HIP1: variants seen among roughly 807,000 people sequenced by gnomAD.
HIP1 encodes huntingtin-interacting protein 1.
Under a neutral mutation model 147.6 loss-of-function variants are expected in HIP1, and 65 were observed. The ratio of observed to expected loss-of-function variants is 0.44; its 90% confidence interval spans 0.36 to 0.54. The LOEUF is 0.54. Ranked by LOEUF, HIP1 falls within the 20% of genes least tolerant of loss-of-function variation. The probability of loss-of-function intolerance (pLI) is 0.00; values close to 1 mark genes in which losing one functional copy is unlikely to be tolerated. For synonymous variants in HIP1, 479 were observed against 504.0 expected, an observed-to-expected ratio of 0.95 and a Z score of 0.67; for missense variants, 1,061 against 1,299.6, an observed-to-expected ratio of 0.82 and a Z score of 2.82.
intron 1 of HIP1, among the ~76,000 whole-genome samples, chr7:75,704,638 A>G (rs1032549945): frequency 5.3e-5 from 8 of 152,148 alleles, no homozygotes; most frequent in Admixed American, 5.2e-4. Flanking sequence ...AGTGCAGTAC[A>G]GTGGCCTGAT....
At chr7:75,587,505 A>G (rs1303023624) in intron 4 of HIP1, among the ~76,000 whole-genome samples, 1 of 152,228 alleles carries the variant, frequency 6.6e-6, no homozygotes, top group Non-Finnish European at 1.5e-5. Context: ...TATTATTGTA[A>G]TTTATTGAAC....
intron 1 of HIP1, among the ~76,000 whole-genome samples, chr7:75,613,399 C>A (rs1263851521): frequency 1.3e-5 from 2 of 152,064 alleles, no homozygotes; most frequent in Non-Finnish European, 2.9e-5. Context: ...ACATCAGGGT[C>A]TTTTTAATTC....
At chr7:75,734,397 G>C (rs1448023551) in intron 1 of HIP1, among the ~76,000 whole-genome samples, 2 of 152,116 alleles carry the variant, frequency 1.3e-5, no homozygotes, top group African/African-American at 4.8e-5. Context: ...ACTGAGCTAT[G>C]ATGGTGCCAC....
chr7:75,686,726 A>G (rs1554517626), intron 1 of HIP1, among the ~76,000 whole-genome samples: 1 of 151,818 alleles, frequency 6.6e-6, no homozygotes, highest in Non-Finnish European at 1.5e-5. Context: ...CACTGGTGCA[A>G]TCCTGGCTCA....
chr7:75,650,453 CTTT>C (rs782108312), intron 1 of HIP1, among the ~76,000 whole-genome samples: 3 of 126,532 alleles, frequency 2.4e-5, no homozygotes, highest in Non-Finnish European at 1.6e-5. Flanking sequence ...GCCCAGTTAT[CTTT>C]TTTTTTTTTT....
chr7:75,561,538 A>T (rs1795228938), intron 12 of HIP1, 137 bp from the exon 13 acceptor site: 1 of 673,556 alleles, frequency 1.5e-6, no homozygotes, highest in African/African-American at 1.8e-5. Context: ...TTATACTCTA[A>T]ATGTTACCAG....
intron 1 of HIP1, among the ~76,000 whole-genome samples, chr7:75,605,061 A>G (rs1797170994): frequency 6.6e-6 from 1 of 152,182 alleles, no homozygotes; most frequent in Non-Finnish European, 1.5e-5. Flanking sequence ...TTAAAGGGAA[A>G]GGAGGGATAA....
chr7:75,716,521 CTTT>C (rs782680080), intron 1 of HIP1, among the ~76,000 whole-genome samples: 3 of 130,612 alleles, frequency 2.3e-5, no homozygotes, highest in Admixed American at 7.8e-5. Flanking sequence ...CGTGCCTGGA[CTTT>C]TTTTTTTTTT....
chr7:75,711,825 T>A (rs1478917529), intron 1 of HIP1, among the ~76,000 whole-genome samples: 1 of 152,124 alleles, frequency 6.6e-6, no homozygotes, highest in Non-Finnish European at 1.5e-5. Context: ...ACCTGCTGCT[T>A]GTCAACCAGC....
rs1554499036 is a variant in HIP1 at position 75,583,755 on chromosome 7, T to TG, written c.466-1605_466-1604insC. On this transcript the variant is annotated intron_variant, in intron 5 of 30. Transcript: ENST00000336926. ...AGGCATACACCACCATGCGGGCTAA[T>TG]TTGTGTGTGTGTGTGTGTGTGTGTG... Among the ~76,000 whole-genome samples, 330 of 122,874 alleles carry TG rather than the reference T, an allele frequency of 2.7e-3. 1 individual carries two copies. The highest frequency in any genetic ancestry group is 8.0e-3 in the African/African-American group (260 of 32,456). The allele number at this position is 122,874 out of a possible 152,430, so 80.6% of individuals were successfully genotyped here.
intron 9 of HIP1, among the ~76,000 whole-genome samples, chr7:75,563,829 C>T (rs969093761): frequency 6.6e-6 from 1 of 152,218 alleles, no homozygotes; most frequent in Non-Finnish European, 1.5e-5. Context: ...GAATTACAAT[C>T]GTTTGGTACT....
At chr7:75,582,666 C>T (rs1368694034) in intron 5 of HIP1, among the ~76,000 whole-genome samples, 2 of 152,050 alleles carry the variant, frequency 1.3e-5, no homozygotes, top group Admixed American at 6.6e-5. Flanking sequence ...AAAAATTAGC[C>T]GGGTGTGGTG....
chr7:75,602,356 C>T (rs1797027862), intron 1 of HIP1, among the ~76,000 whole-genome samples: 1 of 111,274 alleles, frequency 9.0e-6, no homozygotes, highest in Non-Finnish European at 1.7e-5. Flanking sequence ...GTTTCGCTGT[C>T]TTGCTATGTT....
chr7:75,640,755 T>A (rs2705789), intron 1 of HIP1, among the ~76,000 whole-genome samples: 17,038 of 52,774 alleles, frequency 0.32, 1,454 homozygotes, highest in African/African-American at 0.51. Flanking sequence ...TCCATCTCAA[T>A]AATAATAATA....
At chr7:75,552,188 G>A (rs1197361495) in intron 22 of HIP1, among the ~76,000 whole-genome samples, 2 of 152,056 alleles carry the variant, frequency 1.3e-5, no homozygotes, top group Non-Finnish European at 2.9e-5. Context: ...ACCGTGCCTG[G>A]CCCTATCCTT....
At chr7:75,597,655 T>G (rs370900148) in intron 2 of HIP1, among the ~76,000 whole-genome samples, 1 of 147,848 alleles carries the variant, frequency 6.8e-6, no homozygotes, top group East Asian at 2.0e-4. Context: ...CAGGTGGATC[T>G]CTTGAGCCTG....
At chr7:75,562,203 C>A in intron 11 of HIP1, 33 bp from the exon 12 acceptor site, 3 of 1,385,940 alleles carry the variant, frequency 2.2e-6, no homozygotes, top group South Asian at 2.3e-5. Context: ...GAGAATAAGT[C>A]AGAGAGCCAG....
intron 17 of HIP1, 85 bp from the exon 18 acceptor site, chr7:75,556,254 T>C (rs1306585491): frequency 1.3e-6 from 2 of 1,497,252 alleles, no homozygotes; most frequent in African/African-American, 2.8e-5. Context: ...CACCACCGGG[T>C]TGCAAGGACT....
Position 75,548,995 on chromosome 7 carries a change from G to A in HIP1, c.2302C>T (p.Leu768=). The change falls in exon 23 of 31, where the codon CTG becomes TTG. Residue 768 remains leucine (L), a synonymous_variant. Coordinates refer to ENST00000336926, the MANE Select transcript of HIP1 (RefSeq NM_005338.7). The stretch of plus-strand genomic sequence containing the variant: ...TGCTTGATGTCCAGTCCCCTGGGCA[G>A]GAGCTCCTGTGAACACATCACAAAG... ...SKIKAIGEEL[L]PRGLDIKQEE... is the part of the protein sequence containing the mutation. 1 of 1,612,178 alleles carries A rather than the reference G, an allele frequency of 6.2e-7. No individual in the cohort carries two copies. Among genetic ancestry groups the A allele is most frequent in the East Asian group, 2.2e-5 (1 of 44,870 alleles).
Sources: allele counts gnomAD v4.1 joint callset (sites outside exome capture counted in the v4.1 genomes callset), GRCh38; gene constraint gnomAD v4.1.1; transcripts MANE v1.5; gene names NCBI Gene and HGNC (gene_info 2026-07-23, HGNC 2026-07-21).